Variants in SIGLEC1 observed in about 807,000 individuals in gnomAD.
SIGLEC1 encodes the protein sialic acid binding Ig like lectin 1, also known as sialoadhesin.
In SIGLEC1, 132 loss-of-function variants were observed where a neutral mutation model predicts 148.0. The ratio of observed to expected loss-of-function variants is 0.89; its 90% CI spans 0.77 to 1.03. The LOEUF (loss-of-function observed/expected upper bound fraction) is 1.03, where lower values mean the gene tolerates loss of function less well. Ranked by LOEUF, SIGLEC1 falls within the 50% of genes least tolerant of loss-of-function variation. The pLI is 0.00. For missense variants in SIGLEC1, 2,253 were observed against 2,271.4 expected, an observed-to-expected ratio of 0.99 and a Z score of 0.16; for synonymous variants, 945 against 969.0, an observed-to-expected ratio of 0.98 and a Z score of 0.46.
rs1010641526 is a variant in SIGLEC1 at position 3,697,791 on chromosome 20, G to C, written c.2122+7C>G. The C allele has an allele frequency of 6.2e-7, 1 of 1,612,052 alleles. No homozygotes were observed. Among genetic ancestry groups the C allele is most frequent in the African/African-American group, 1.3e-5 (1 of 75,012 alleles). On this transcript the variant is annotated splice_region_variant and intron_variant, in intron 9 of 21. Transcript: ENST00000344754. ...CCCCCAGGCCACCCATTCCCTGCCT[G>C]ACTCACCCTGGCCATTGAAGGTGGC...
chr20:3,708,505 C>T (rs570903023), intron 1 of SIGLEC1, among the ~76,000 whole-genome samples: 2 of 152,232 alleles, frequency 1.3e-5, no homozygotes, highest in South Asian at 4.1e-4. Context: ...GTGGCTCATG[C>T]CTGTGAACCC....
intron 16 of SIGLEC1, 22 bp downstream of exon 16, chr20:3,692,499 T>C: frequency 1.3e-6 from 2 of 1,568,610 alleles, no homozygotes; most frequent in Non-Finnish European, 1.7e-6. Flanking sequence ...TGGGCAGCCC[T>C]GGCCAAGGAC....
rs753262314 is a variant in SIGLEC1, at chr20:3,697,935, C to T, written c.1985G>A (p.Arg662His). The change falls in exon 9 of 22, where the codon CGC becomes CAC. Residue 662 changes from arginine to histidine, a missense_variant. Transcript: ENST00000344754. ...GTTGGGGGCTTTGGTGACCTTCATG[C>T]GTGGGGAACAGCCCCCACAGGTGCT... The part of the protein sequence containing the change: ...GCSTCGGCSP[R>H]MKVTKAPNLL... 3.6e-5 allele frequency: 58 copies of T among 1,612,810 alleles called. No homozygotes were observed. The highest frequency in any genetic ancestry group is 6.7e-5 in the East Asian group (3 of 44,898).
chr20:3,702,093 C>A (rs1379985411), intron 6 of SIGLEC1, among the ~76,000 whole-genome samples: 2 of 152,034 alleles, frequency 1.3e-5, no homozygotes, highest in Non-Finnish European at 2.9e-5. Context: ...GAACAGCAGG[C>A]CTGCACTCTG....
At chr20:3,699,109 G>A (rs547511) in intron 8 of SIGLEC1, 93 bp downstream of exon 8, 19 of 1,440,956 alleles carry the variant, frequency 1.3e-5, no homozygotes, top group African/African-American at 8.6e-5. Context: ...GATATAGACC[G>A]TGGGGCAGGG....
At chr20:3,705,653 G>C (rs1057156678) in intron 4 of SIGLEC1, 91 bp downstream of exon 4, 2 of 1,398,612 alleles carry the variant, frequency 1.4e-6, no homozygotes, top group Non-Finnish European at 2.0e-6. Flanking sequence ...TCAGGAGCAA[G>C]GGTTCCGTTT....
chr20:3,696,654 C>A lies in SIGLEC1; in HGVS notation c.2615G>T (p.Gly872Val), dbSNP rs1402553939. Reference protein sequence around the residue: ...EVRELGLGDSGSYRCEATNVL... With the variant: ...EVRELGLGDSVSYRCEATNVL... ...ATTTGTGGCCTCACAGCGGTAGCTGCCAGAGTCCCCAAGGCCCAGTTCTCG... is the reference window on the plus strand; with the variant it reads ...ATTTGTGGCCTCACAGCGGTAGCTGACAGAGTCCCCAAGGCCCAGTTCTCG... Residue 872 changes from glycine to valine, a missense_variant, in exon 11 of 22, where the codon GGC becomes GTC. Coordinates refer to ENST00000344754, the MANE Select transcript of SIGLEC1 (RefSeq NM_023068.4). The A allele has an allele frequency of 1.2e-6, 2 of 1,613,850 alleles. No homozygotes were observed. The highest frequency in any genetic ancestry group is 4.5e-5 in the East Asian group (2 of 44,880).
intron 5 of SIGLEC1, 41 bp from the exon 6 acceptor site, chr20:3,703,492 A>G: frequency 1.3e-6 from 2 of 1,538,932 alleles, no homozygotes; most frequent in Non-Finnish European, 1.8e-6. Flanking sequence ...GTCCCAGCCA[A>G]CTTCCAGCCC....
At chr20:3,694,174 GACACACACAC>G (rs59383643) in intron 13 of SIGLEC1, 37 bp downstream of exon 13, 44,191 of 1,165,266 alleles carry the variant, frequency 0.038, 438 homozygotes, top group African/African-American at 0.13. Context: ...TCTTTTAAAG[GACACACACAC>G]ACACACACAC....
intron 9 of SIGLEC1, 140 bp from the exon 10 acceptor site, chr20:3,697,482 G>A (rs1182895771): frequency 9.4e-7 from 1 of 1,060,040 alleles, no homozygotes; most frequent in South Asian, 1.6e-5. Flanking sequence ...TAGCTCACAG[G>A]GCAGCCTAGG....
chr20:3,701,725 C>T (rs11087600), intron 6 of SIGLEC1, 84 bp from the exon 7 acceptor site: 439,713 of 1,300,120 alleles, frequency 0.34, 77,719 homozygotes, highest in South Asian at 0.42. Context: ...ACCTCTGCAC[C>T]GCTTTGTCCC....
Position 3,699,452 on chromosome 20 carries a change from A to AC in SIGLEC1, c.1535dup (p.Leu513SerfsTer28), listed in dbSNP as rs1568844067. 6.2e-7 allele frequency: 1 copy of AC among 1,608,872 alleles called. No homozygotes were observed. Among genetic ancestry groups the AC allele is most frequent in the Non-Finnish European group, 8.5e-7 (1 of 1,178,392 alleles). On this transcript the variant is annotated frameshift_variant, in exon 8 of 22. Transcript: ENST00000344754. LOFTEE classifies it high-confidence loss of function. ...CCTCGGCTGCCGGGCTGATGAGGAG[A>AC]CGGGCGGCTGCGGGGAGAGGAAGAG...
intron 19 of SIGLEC1, 83 bp from the exon 20 acceptor site, chr20:3,689,785 CCTT>C (rs1402910358): frequency 1.0e-5 from 14 of 1,334,806 alleles, no homozygotes; most frequent in Admixed American, 2.1e-5. Context: ...CAAGATGACA[CCTT>C]CTAACTTTTG....
Position 3,705,766 on chromosome 20 carries a change from G to A in SIGLEC1, c.684C>T (p.Ser228=), listed in dbSNP as rs370341625. The change falls in exon 4 of 22, where the codon AGC becomes AGT. Residue 228 remains serine (S), a synonymous_variant. Coordinates refer to ENST00000344754, the MANE Select transcript of SIGLEC1 (RefSeq NM_023068.4). ...QLSVANHRAQ[S]EIHLQVKYAP... ...CACACTTCACTTGGAGGTGAATCTC[G>A]CTCTGAGCCCTGTGATTGGCCACGG... 5.7e-5 allele frequency: 92 copies of A among 1,611,588 alleles called. No individual in the cohort carries two copies. The highest frequency in any genetic ancestry group is 1.6e-4 in the African/African-American group (12 of 74,916).
intron 6 of SIGLEC1, 106 bp downstream of exon 6, chr20:3,703,091 A>G: frequency 7.1e-7 from 1 of 1,399,316 alleles, no homozygotes; most frequent in Non-Finnish European, 9.9e-7. Flanking sequence ...ACCTCCAGGT[A>G]AGTGGCCTTG....
chr20:3,689,169 T>A lies in SIGLEC1; in HGVS notation c.5056A>T (p.Lys1686Ter), dbSNP rs924169688. Residue 1686 changes from lysine to a stop codon, truncating the protein, a stop_gained, in exon 21 of 22, where the codon AAA becomes TAA. Transcript: ENST00000344754. LOFTEE classifies it low-confidence loss of function (END_TRUNC). ...GENSVEMAFQ[K>*]ETTQLIDPDA... ...TGAATGGATACCTGCGTGGTCTCTT[T>A]CTGAAAAGCCATCTCCACCGAATTC... 2.5e-6 allele frequency: 4 copies of A among 1,614,144 alleles called. No individual in the cohort carries two copies. Among genetic ancestry groups the A allele is most frequent in the Non-Finnish European group, 3.4e-6 (4 of 1,179,964 alleles).
Position 3,688,479 on chromosome 20 carries a change from A to G in SIGLEC1, c.*81T>C, listed in dbSNP as rs1375298464. On this transcript the variant is annotated 3_prime_UTR_variant, in exon 22 of 22. Coordinates refer to ENST00000344754, the MANE Select transcript of SIGLEC1 (RefSeq NM_023068.4). The stretch of plus-strand genomic sequence containing the variant: ...TTCGTAGAGGCGGGCAGGACTCAAC[A>G]CTGCCTCATTCACATTCATAGGCTG... 6 of 1,196,608 alleles carry G rather than the reference A, an allele frequency of 5.0e-6. No individual in the cohort carries two copies. The highest frequency in any genetic ancestry group is 7.3e-6 in the Non-Finnish European group (6 of 824,026). 74.1% of individuals were successfully genotyped at this position (1,196,608 alleles called of 1,614,324 possible). A position where few individuals can be genotyped will look rare whatever the true frequency, so the allele number is the denominator to read the frequency against.
rs950759188 is a variant in SIGLEC1 at position 3,696,799 on chromosome 20, G to A, written c.2470C>T (p.Leu824=). 1.2e-6 allele frequency: 2 copies of A among 1,611,382 alleles called. No homozygotes were observed. Among genetic ancestry groups the A allele is most frequent in the Admixed American group, 1.7e-5 (1 of 59,880 alleles). Reference sequence around the variant, plus strand: ...CCATGGAACAAGGCCAGCAAGGCCAGGGGGCGGCTGTCCACAGTGCAGATG... The same window carrying A: ...CCATGGAACAAGGCCAGCAAGGCCAAGGGGCGGCTGTCCACAGTGCAGATG... The part of the protein sequence containing the change: ...LFICTVDSRP[L]ALLALFHGEH... The change falls in exon 11 of 22, where the codon CTG becomes TTG. Residue 824 remains leucine, a synonymous_variant. Transcript: ENST00000344754.
At position 3,693,530 on chromosome 20, in the gene SIGLEC1, C is replaced by T; in HGVS notation, c.3425G>A (p.Arg1142Lys). The change falls in exon 14 of 22, where the codon AGG (arginine) becomes AAG (lysine). Residue 1142 changes from arginine (R) to lysine (K), a missense_variant. Arg to Lys is a conservative substitution (Grantham distance 26). Transcript: ENST00000344754. Reference protein sequence around the residue: ...HSIPLPNVTVRDATSYRCGVG... With the variant: ...HSIPLPNVTVKDATSYRCGVG... ...ACCGCAGCGGTAGGAGGTGGCATCC[C>T]TGACTGTGACGTTGGGCAGGGGGAT... The T allele has an allele frequency of 6.2e-7, 1 of 1,611,946 alleles. No homozygotes were observed. The highest frequency in any genetic ancestry group is 8.5e-7 in the Non-Finnish European group (1 of 1,179,194).
Sources: allele counts gnomAD v4.1 joint callset (sites outside exome capture counted in the v4.1 genomes callset), GRCh38; gene constraint gnomAD v4.1.1; transcripts MANE v1.5; gene names NCBI Gene and HGNC (gene_info 2026-07-23, HGNC 2026-07-21).